ANKRD33B: variants seen among roughly 807,000 people sequenced by gnomAD.
ANKRD33B encodes ankyrin repeat domain-containing protein 33B.
ANKRD33B carries 6 observed loss-of-function variants against 21.5 expected under a neutral mutation model. That is an observed-to-expected ratio of 0.28 (90% CI 0.15 to 0.55). The LOEUF is 0.55. ANKRD33B is among the 20% of genes least tolerant of loss of function. ANKRD33B has a pLI of 0.94. For missense variants in ANKRD33B, 698 were observed against 747.2 expected, an observed-to-expected ratio of 0.93 and a Z score of 0.77; for synonymous variants, 347 against 342.4, an observed-to-expected ratio of 1.01 and a Z score of -0.15.
At chr5:10,633,772 T>C (rs1297997186) in intron 2 of ANKRD33B, among the ~76,000 whole-genome samples, 1 of 152,180 alleles carries the variant, frequency 6.6e-6, no homozygotes, top group Non-Finnish European at 1.5e-5. Context: ...GAATGTTCCT[T>C]AATTTGGACG....
At chr5:10,618,740 G>A (rs963698878) in intron 2 of ANKRD33B, among the ~76,000 whole-genome samples, 2 of 152,176 alleles carry the variant, frequency 1.3e-5, no homozygotes, top group Admixed American at 6.5e-5. Context: ...TTCACCTGAA[G>A]CCTCACACTC....
rs1165108427 is a variant in ANKRD33B at position 10,622,808 on chromosome 5, A to AT, written c.496+4359dup. On this transcript the variant is annotated intron_variant, in intron 2 of 3. Transcript: ENST00000296657. ...TTTTGTTTTTGCTTTATTTTATTTT[A>AT]TTTTTTTTTTTTTCTGGCTTGCTCA... 2.1e-3 allele frequency among the ~76,000 whole-genome samples: 185 copies of AT among 89,044 alleles called. 1 individual carries two copies. Among genetic ancestry groups the AT allele is most frequent in the African/African-American group, 3.1e-3 (62 of 20,182 alleles). The allele number at this position is 89,044 out of a possible 152,430, so 58.4% of individuals were successfully genotyped here.
At chr5:10,627,321 G>A (rs932846530) in intron 2 of ANKRD33B, 2 of 152,240 alleles carry the variant, frequency 1.3e-5, no homozygotes, top group Non-Finnish European at 2.9e-5. Flanking sequence ...GCATGGACGT[G>A]GTAAAGTGAG....
rs148779300 is a variant in ANKRD33B at position 10,601,127 on chromosome 5, A to G, written c.367-17206A>G. Among the ~76,000 whole-genome samples, 8 of 152,258 alleles carry G rather than the reference A, an allele frequency of 5.3e-5. No individual in the cohort carries two copies. In the East Asian group the frequency reaches 1.5e-3, roughly 29 times the overall value. Reference sequence around the variant, plus strand: ...GAGTTGCCAACTCAGTTTAAAAAGAATAGGGTTGGGGGGCATATATTTAAA... The same window carrying G: ...GAGTTGCCAACTCAGTTTAAAAAGAGTAGGGTTGGGGGGCATATATTTAAA... On this transcript the variant is annotated intron_variant, in intron 1 of 3. Coordinates refer to ENST00000296657, the MANE Select transcript of ANKRD33B (RefSeq NM_001164440.2).
At chr5:10,610,587 T>G (rs538751505) in intron 1 of ANKRD33B, among the ~76,000 whole-genome samples, 1 of 152,222 alleles carries the variant, frequency 6.6e-6, no homozygotes, top group Non-Finnish European at 1.5e-5. Context: ...TCTATCAGTT[T>G]AGGGGCATGG....
Position 10,564,411 on chromosome 5 carries a change from C to T in ANKRD33B, c.-57C>T, listed in dbSNP as rs550973647. 2.0e-5 allele frequency: 20 copies of T among 1,011,748 alleles called. No homozygotes were observed. The highest frequency in any genetic ancestry group is 2.4e-5 in the Non-Finnish European group (20 of 845,952). 62.7% of individuals were successfully genotyped at this position (1,011,748 alleles called of 1,614,324 possible). On this transcript the variant is annotated 5_prime_UTR_variant, in exon 1 of 4. Coordinates refer to ENST00000296657, the MANE Select transcript of ANKRD33B (RefSeq NM_001164440.2). Reference sequence around the variant, plus strand: ...GAAGCGGGGACCTCGGCGCGCGCCCCGCGTCCCGCTCTTCCTGCCCGCGCC... The same window carrying T: ...GAAGCGGGGACCTCGGCGCGCGCCCTGCGTCCCGCTCTTCCTGCCCGCGCC...
intron 1 of ANKRD33B, among the ~76,000 whole-genome samples, chr5:10,565,787 A>C (rs1419288791): frequency 1.3e-5 from 2 of 152,234 alleles, no homozygotes; most frequent in African/African-American, 4.8e-5. Flanking sequence ...TCAGTGGGCA[A>C]ATGGCAGCGT....
In ANKRD33B at chr5:10,639,619, C is replaced by T. The variant is rs1178552633; in HGVS notation, c.637+1451C>T. The stretch of plus-strand genomic sequence containing the variant: ...TAGCGGGTGACGCGGAGTTGCGCGG[C>T]GATGTTAGCGGGTGACGCGGAGTTG... On this transcript the variant is annotated intron_variant, in intron 3 of 3. Coordinates refer to ENST00000296657, the MANE Select transcript of ANKRD33B (RefSeq NM_001164440.2). Among the ~76,000 whole-genome samples, 20 of 47,984 alleles carry T rather than the reference C, an allele frequency of 4.2e-4. No individual in the cohort carries two copies. The East Asian group carries it at 9.6e-3, about 23-fold the overall frequency. The allele number at this position is 47,984 out of a possible 152,430, so 31.5% of individuals were successfully genotyped here.
In ANKRD33B at chr5:10,650,145, T is replaced by TGGGGCCGGGGC; in HGVS notation, c.*40_*50dup. ...GTGTGCCTGGCGCTGGGGCCGGGGC[T>TGGGGCCGGGGC]GGGGCCGGGGCGGGGCCGCAGGGCT... On this transcript the variant is annotated 3_prime_UTR_variant, in exon 4 of 4. Coordinates refer to ENST00000296657, the MANE Select transcript of ANKRD33B (RefSeq NM_001164440.2). The TGGGGCCGGGGC allele has an allele frequency of 2.7e-6, 2 of 740,618 alleles. No homozygotes were observed. Among genetic ancestry groups the TGGGGCCGGGGC allele is most frequent in the Non-Finnish European group, 3.6e-6 (2 of 555,528 alleles). 45.9% of individuals were successfully genotyped at this position (740,618 alleles called of 1,614,324 possible). A position where few individuals can be genotyped will look rare whatever the true frequency, so the allele number is the denominator to read the frequency against.
intron 1 of ANKRD33B, among the ~76,000 whole-genome samples, chr5:10,574,216 T>C (rs758424833): frequency 3.3e-5 from 5 of 152,272 alleles, no homozygotes; most frequent in Non-Finnish European, 7.3e-5. Flanking sequence ...GTAACTTTTC[T>C]ACATATTTCT....
intron 1 of ANKRD33B, among the ~76,000 whole-genome samples, chr5:10,574,129 A>G (rs867521145): frequency 6.6e-6 from 1 of 152,198 alleles, no homozygotes; most frequent in East Asian, 1.9e-4. Context: ...CACACATATC[A>G]TTCCACCGGC....
intron 3 of ANKRD33B, among the ~76,000 whole-genome samples, chr5:10,642,371 C>A (rs922465266): frequency 6.6e-6 from 1 of 152,156 alleles, no homozygotes; most frequent in Non-Finnish European, 1.5e-5. Flanking sequence ...CTTTGCAAGC[C>A]CATCCCCCAT....
intron 1 of ANKRD33B, among the ~76,000 whole-genome samples, chr5:10,613,855 G>C (rs973673632): frequency 6.6e-6 from 1 of 151,176 alleles, no homozygotes; most frequent in Non-Finnish European, 1.5e-5. Flanking sequence ...AGCCGAGATC[G>C]TGTCAGTGCC....
At chr5:10,642,709 GTTA>G (rs1737089195) in intron 3 of ANKRD33B, among the ~76,000 whole-genome samples, 1 of 152,118 alleles carries the variant, frequency 6.6e-6, no homozygotes, top group African/African-American at 2.4e-5. Context: ...TGTGATTATT[GTTA>G]TTATTATGAT....
chr5:10,589,298 G>T (rs1371922803), intron 1 of ANKRD33B, among the ~76,000 whole-genome samples: 1 of 151,936 alleles, frequency 6.6e-6, no homozygotes, highest in Non-Finnish European at 1.5e-5. Flanking sequence ...GTCTTGCCAG[G>T]GGTGCTGTCC....
chr5:10,652,734 C>T lies in ANKRD33B; in HGVS notation c.*2621C>T, dbSNP rs781432031. On this transcript the variant is annotated 3_prime_UTR_variant, in exon 4 of 4. Transcript: ENST00000296657. The surrounding 1 kb of genome is among the most constrained non-coding windows in gnomAD (Gnocchi z 4.1). Reference sequence around the variant, plus strand: ...AGGTCCCACGCTGTTCTGGAGTGGACGTGTTGCGGCCCTGCCCCCGATGTG... The same window carrying T: ...AGGTCCCACGCTGTTCTGGAGTGGATGTGTTGCGGCCCTGCCCCCGATGTG... 47 of 194,262 alleles carry T rather than the reference C, an allele frequency of 2.4e-4. No individual in the cohort carries two copies. Among genetic ancestry groups the T allele is most frequent in the Non-Finnish European group, 3.4e-4 (30 of 89,100 alleles). 12.0% of individuals were successfully genotyped at this position (194,262 alleles called of 1,614,324 possible).
chr5:10,638,910 G>A (rs572178558), intron 3 of ANKRD33B, among the ~76,000 whole-genome samples: 1 of 132,536 alleles, frequency 7.5e-6, no homozygotes, highest in Non-Finnish European at 1.8e-5. Context: ...GTGTGGTAAT[G>A]TTAGCGGGTG....
Position 10,564,291 on chromosome 5 carries a change from T to C in ANKRD33B, c.-177T>C, listed in dbSNP as rs1361545840. The C allele has an allele frequency of 2.9e-5, 8 of 277,168 alleles. No homozygotes were observed. Among genetic ancestry groups the C allele is most frequent in the Non-Finnish European group, 3.9e-5 (7 of 181,376 alleles). The allele number at this position is 277,168 out of a possible 1,614,324, so 17.2% of individuals were successfully genotyped here. A position where few individuals can be genotyped will look rare whatever the true frequency, so the allele number is the denominator to read the frequency against. ...GCCCACCCCAGGGGCTCGCTCAGCC[T>C]CCGGAGACTTTTTTCTTTGAGCGCA... On this transcript the variant is annotated 5_prime_UTR_variant, in exon 1 of 4. Coordinates refer to ENST00000296657, the MANE Select transcript of ANKRD33B (RefSeq NM_001164440.2).
At chr5:10,613,719 T>G (rs1240402227) in intron 1 of ANKRD33B, among the ~76,000 whole-genome samples, 1 of 151,620 alleles carries the variant, frequency 6.6e-6, no homozygotes, top group Non-Finnish European at 1.5e-5. Flanking sequence ...GCCAATATGG[T>G]GAAACCTCCA....
Sources: allele counts gnomAD v4.1 joint callset (sites outside exome capture counted in the v4.1 genomes callset), GRCh38; gene constraint gnomAD v4.1.1; non-coding constraint Gnocchi (gnomAD v3.1); transcripts MANE v1.5; gene names NCBI Gene and HGNC (gene_info 2026-07-23, HGNC 2026-07-21).